Variants in ZNF138 observed in about 807,000 individuals in gnomAD.
ZNF138 encodes the protein zinc finger protein 138, also known as zinc finger protein 138 (clone pHZ-32).
A neutral mutation model predicts 33.0 loss-of-function variants in ZNF138; 33 were observed. The observed-to-expected ratio is 1.00, with a 90% confidence interval of 0.76 to 1.34. The LOEUF is 1.34. ZNF138 is among the 40% of genes most tolerant of loss of function. The pLI is 0.00. For synonymous variants in ZNF138, 139 were observed against 120.4 expected, an observed-to-expected ratio of 1.15 and a Z score of -1.01; for missense variants, 360 against 370.8, an observed-to-expected ratio of 0.97 and a Z score of 0.24.
At position 64,832,298 on chromosome 7, in the gene ZNF138, A is replaced by C; in HGVS notation, c.*96A>C. 2 of 1,584,614 alleles carry C rather than the reference A, an allele frequency of 1.3e-6. No homozygotes were observed. Among genetic ancestry groups the C allele is most frequent in the East Asian group, 2.2e-5 (1 of 44,680 alleles). ...TTAACCAGTTTTCAACCCTTATTACACATAAGATAATTCATAGCGGAGAGA... is the reference window on the plus strand; with the variant it reads ...TTAACCAGTTTTCAACCCTTATTACCCATAAGATAATTCATAGCGGAGAGA... On this transcript the variant is annotated 3_prime_UTR_variant, in exon 4 of 4. Transcript: ENST00000307355.
At chr7:64,860,249 G>A in the ZNF138 span, among the ~76,000 whole-genome samples, 1 of 152,194 alleles carries the variant, frequency 6.6e-6, no homozygotes, top group Non-Finnish European at 1.5e-5. Context: ...AACAAATTCA[G>A]CACCTCACAT....
downstream of ZNF138, among the ~76,000 whole-genome samples, chr7:64,837,033 G>A (rs190615894): frequency 3.3e-4 from 50 of 152,330 alleles, no homozygotes; most frequent in Admixed American, 1.3e-4. Context: ...TCAGGCCAGC[G>A]AAAGGTGTTA....
In ZNF138 at chr7:64,815,049, G is replaced by T; in HGVS notation, c.130+5G>T. 1 of 1,591,742 alleles carries T rather than the reference G, an allele frequency of 6.3e-7. No individual in the cohort carries two copies. The highest frequency in any genetic ancestry group is 8.5e-7 in the Non-Finnish European group (1 of 1,169,952). ...ACAGAAACCTGGTTTTCTTGGGTGA[G>T]AATAACTTCAGTACACATTTCCTAA... On this transcript the variant is annotated splice_donor_5th_base_variant and intron_variant, in intron 2 of 3. Transcript: ENST00000307355.
At position 64,832,023 on chromosome 7, in the gene ZNF138, A is replaced by G; in HGVS notation, c.781A>G (p.Lys261Glu). ...ATGTGCACACTGTGGCAAAGCCTTT[A>G]AACAGTCCTCACACCTTACTAGACA... ...YKCAHCGKAF[K>E]QSSHLTRHKI... Residue 261 changes from lysine (K) to glutamate (E), a missense_variant, in exon 4 of 4, where the codon AAA becomes GAA. Coordinates refer to ENST00000307355, the MANE Select transcript of ZNF138 (RefSeq NM_001271639.2). The G allele has an allele frequency of 6.2e-7, 1 of 1,613,904 alleles. No homozygotes were observed. The highest frequency in any genetic ancestry group is 8.5e-7 in the Non-Finnish European group (1 of 1,179,884).
At chr7:64,840,759 G>T in the ZNF138 span, among the ~76,000 whole-genome samples, 1 of 151,826 alleles carries the variant, frequency 6.6e-6, no homozygotes, top group East Asian at 1.9e-4. Context: ...TTGAACATTT[G>T]GTCTCTCTCT....
the ZNF138 span, among the ~76,000 whole-genome samples, chr7:64,845,618 C>G: frequency 6.6e-6 from 1 of 152,184 alleles, no homozygotes; most frequent in East Asian, 1.9e-4. Flanking sequence ...TATGGCAATT[C>G]TTGTGGGAGT....
chr7:64,800,427 C>A (rs1490599297), intron 1 of ZNF138, among the ~76,000 whole-genome samples: 2 of 152,160 alleles, frequency 1.3e-5, no homozygotes, highest in Non-Finnish European at 2.9e-5. Flanking sequence ...AAAGCTCCTG[C>A]ATCTATTAAG....
chr7:64,848,297 T>C, the ZNF138 span, among the ~76,000 whole-genome samples: 2 of 152,152 alleles, frequency 1.3e-5, no homozygotes, highest in African/African-American at 4.8e-5. Flanking sequence ...TTAGGTTTGC[T>C]CACTTAAAAT....
intron 2 of ZNF138, 136 bp from the exon 3 acceptor site, chr7:64,815,440 A>G: frequency 1.6e-6 from 1 of 628,626 alleles, no homozygotes; most frequent in Non-Finnish European, 2.5e-6. Context: ...ATATATTAGC[A>G]TTTTGGGATT....
intron 1 of ZNF138, among the ~76,000 whole-genome samples, chr7:64,812,853 T>C (rs1291823374): frequency 1.5e-5 from 2 of 129,658 alleles, no homozygotes; most frequent in Admixed American, 1.6e-4. Flanking sequence ...AAATTGCCTT[T>C]TTTTTTTTTT....
intron 3 of ZNF138, among the ~76,000 whole-genome samples, chr7:64,822,763 T>C (rs1469248889): frequency 6.6e-6 from 1 of 152,232 alleles, no homozygotes; most frequent in Non-Finnish European, 1.5e-5. Flanking sequence ...TTTAATCAAA[T>C]TTAAAAATTT....
chr7:64,815,956 A>G (rs949966688), intron 3 of ZNF138, among the ~76,000 whole-genome samples: 2 of 152,220 alleles, frequency 1.3e-5, no homozygotes, highest in Non-Finnish European at 1.5e-5. Flanking sequence ...ACACGCAAAT[A>G]TCTGCATAAT....
intron 1 of ZNF138, among the ~76,000 whole-genome samples, chr7:64,813,532 G>C (rs192392339): frequency 0.015 from 2,305 of 151,350 alleles, 26 homozygotes; most frequent in Middle Eastern, 0.089. Context: ...CTCCCGGGTT[G>C]ACGCCATTCT....
chr7:64,795,705 C>T (rs73699393), intron 1 of ZNF138, among the ~76,000 whole-genome samples: 14,433 of 150,424 alleles, frequency 0.096, 1,226 homozygotes, highest in African/African-American at 0.23. Context: ...TTAAATCTTC[C>T]CTAGGTACAG....
At chr7:64,805,423 CTG>C (rs938627561) in intron 1 of ZNF138, among the ~76,000 whole-genome samples, 4 of 85,170 alleles carry the variant, frequency 4.7e-5, no homozygotes, top group South Asian at 3.6e-4. Context: ...AAAAAAAAAA[CTG>C]AGGCTGAAAC....
At position 64,813,466 on chromosome 7, in the gene ZNF138, C is replaced by T. The variant is rs540853095; in HGVS notation, c.4-1452C>T. ...TTTTTTTTTTTTTAATGGAGTCTCG[C>T]GCTGTCGCCCAGGCTGGAGTGCAGT... On this transcript the variant is annotated intron_variant, in intron 1 of 3. Transcript: ENST00000307355. 2.5e-3 allele frequency among the ~76,000 whole-genome samples: 371 copies of T among 149,392 alleles called. 5 individuals carry two copies. Among genetic ancestry groups the T allele is most frequent in the African/African-American group, 8.7e-3 (351 of 40,432 alleles).
At chr7:64,849,385 G>A in the ZNF138 span, among the ~76,000 whole-genome samples, 2 of 152,152 alleles carry the variant, frequency 1.3e-5, no homozygotes, top group South Asian at 4.1e-4. Context: ...CTTAGTTTTG[G>A]TTGTTTAATG....
chr7:64,807,746 G>A lies in ZNF138; in HGVS notation c.4-7172G>A, dbSNP rs1309833612. ...TCTTAAAGCCCCGCTTTGGGAGTGT[G>A]GCTCTTTGAGCTTTTCAGATCTTGT... On this transcript the variant is annotated intron_variant, in intron 1 of 3. Coordinates refer to ENST00000307355, the MANE Select transcript of ZNF138 (RefSeq NM_001271639.2). Among the ~76,000 whole-genome samples the A allele has an allele frequency of 2.0e-5, 3 of 152,318 alleles. No homozygotes were observed. In the East Asian group the frequency reaches 5.8e-4, roughly 29 times the overall value.
At chr7:64,858,258 T>C in the ZNF138 span, among the ~76,000 whole-genome samples, 1 of 152,234 alleles carries the variant, frequency 6.6e-6, no homozygotes, top group Non-Finnish European at 1.5e-5. Flanking sequence ...TATTCTCAGC[T>C]CTACTTACAT....
Sources: allele counts gnomAD v4.1 joint callset (sites outside exome capture counted in the v4.1 genomes callset), GRCh38; gene constraint gnomAD v4.1.1; transcripts MANE v1.5; gene names NCBI Gene and HGNC (gene_info 2026-07-23, HGNC 2026-07-21).